EBF2: variants seen among roughly 807,000 people sequenced by gnomAD.
The protein encoded by EBF2 is transcription factor COE2.
A neutral mutation model predicts 72.8 loss-of-function variants in EBF2; 21 were observed. The observed-to-expected ratio is 0.29, with a 90% CI of 0.20 to 0.42. The LOEUF (loss-of-function observed/expected upper bound fraction) is 0.42, where lower values mean the gene tolerates loss of function less well. Among genes scored for constraint, EBF2 ranks in the 10% least tolerant of loss-of-function variants. EBF2 has a pLI of 1.00. For missense variants in EBF2, 637 were observed against 731.2 expected (o/e 0.87, Z 1.49); for synonymous variants, 299 against 274.2 (o/e 1.09, Z -0.89).
intron 6 of EBF2, among the ~76,000 whole-genome samples, chr8:25,945,907 T>C (rs1038931101): frequency 1.3e-5 from 2 of 152,012 alleles, no homozygotes; most frequent in African/African-American, 4.8e-5. Context: ...CTTTTTACTA[T>C]TAATAAAGAA....
chr8:25,940,632 A>AT (rs1491337758), intron 6 of EBF2, among the ~76,000 whole-genome samples: 10 of 138,370 alleles, frequency 7.2e-5, no homozygotes, highest in African/African-American at 2.5e-4. Flanking sequence ...AAAAAAAAAA[A>AT]TAAAAAAAAA....
At position 26,002,888 on chromosome 8, in the gene EBF2, GGGCA is replaced by G. The variant is rs1243627440; in HGVS notation, c.551+30193_551+30196del. Among the ~76,000 whole-genome samples, 335 of 81,488 alleles carry G rather than the reference GGGCA, an allele frequency of 4.1e-3. 4 individuals carry two copies. The highest frequency in any genetic ancestry group is 9.4e-3 in the African/African-American group (272 of 28,812). The allele number at this position is 81,488 out of a possible 152,430, so 53.5% of individuals were successfully genotyped here. ...CGGGCAGGCGGGCAGGCGGGCAGGC[GGGCA>G]GGCAGGCGGGCAGGCGGGCAGGCGG... On this transcript the variant is annotated intron_variant, in intron 6 of 15. Coordinates refer to ENST00000520164, the MANE Select transcript of EBF2 (RefSeq NM_022659.4).
At chr8:25,934,221 GCATACACA>G (rs1161970954) in intron 6 of EBF2, among the ~76,000 whole-genome samples, 26 of 108,192 alleles carry the variant, frequency 2.4e-4, no homozygotes, top group African/African-American at 9.4e-4. Flanking sequence ...GACTTCATGT[GCATACACA>G]CACACACACA....
At position 25,899,238 on chromosome 8, in the gene EBF2, GTTT is replaced by G. The variant is rs78193563; in HGVS notation, c.633+9233_633+9235del. ...GAGAAAGATCCTCCGACCCTCCACA[GTTT>G]TTTTTTTTTTTTCTGACTCCAAATA... On this transcript the variant is annotated intron_variant, in intron 7 of 15. Coordinates refer to ENST00000520164, the MANE Select transcript of EBF2 (RefSeq NM_022659.4). Among the ~76,000 whole-genome samples the G allele has an allele frequency of 2.1e-5, 3 of 140,302 alleles. 1 individual carries two copies. Among genetic ancestry groups the G allele is most frequent in the South Asian group, 4.5e-4 (2 of 4,402 alleles). 92.0% of individuals were successfully genotyped at this position (140,302 alleles called of 152,430 possible). A position where few individuals can be genotyped will look rare whatever the true frequency, so the allele number is the denominator to read the frequency against.
At chr8:26,007,786 T>C (rs1804905856) in intron 6 of EBF2, among the ~76,000 whole-genome samples, 1 of 151,842 alleles carries the variant, frequency 6.6e-6, no homozygotes, top group Admixed American at 6.6e-5. Context: ...CTTGCAACTT[T>C]TGCACATGTG....
intron 6 of EBF2, among the ~76,000 whole-genome samples, chr8:25,928,782 G>GAA (rs71551838): frequency 0.47 from 52,230 of 110,114 alleles, 14,174 homozygotes; most frequent in East Asian, 0.68. Context: ...ATTTTTAAAT[G>GAA]AAAAAAAAAA....
At chr8:25,850,303 G>A (rs939448965) in intron 15 of EBF2, among the ~76,000 whole-genome samples, 1 of 152,076 alleles carries the variant, frequency 6.6e-6, no homozygotes, top group East Asian at 1.9e-4. Flanking sequence ...AGTAGACACA[G>A]GGTTTTACCA....
At chr8:25,853,334 T>G (rs918784914) in intron 14 of EBF2, among the ~76,000 whole-genome samples, 1 of 151,714 alleles carries the variant, frequency 6.6e-6, no homozygotes, top group Non-Finnish European at 1.5e-5. Flanking sequence ...CATAAGTTAA[T>G]TGGAAAAAGA....
intron 6 of EBF2, among the ~76,000 whole-genome samples, chr8:25,960,861 C>T (rs1251390598): frequency 6.6e-6 from 1 of 152,226 alleles, no homozygotes; most frequent in Non-Finnish European, 1.5e-5. Flanking sequence ...TCTTCCTTAT[C>T]TCTTTCAATT....
chr8:25,943,311 C>CAAAAGAAAAA (rs1803710087), intron 6 of EBF2, among the ~76,000 whole-genome samples: 5 of 59,126 alleles, frequency 8.5e-5, no homozygotes, highest in Admixed American at 1.9e-4. Context: ...TGTCTCTACA[C>CAAAAGAAAAA]AAAAAAAAAA....
chr8:25,925,819 T>A (rs1803376807), intron 6 of EBF2, among the ~76,000 whole-genome samples: 1 of 152,054 alleles, frequency 6.6e-6, no homozygotes, highest in African/African-American at 2.4e-5. Context: ...GCATTCAGCT[T>A]TTTCATTTTC....
At chr8:25,871,843 G>C (rs183709049) in intron 10 of EBF2, among the ~76,000 whole-genome samples, 26 of 151,968 alleles carry the variant, frequency 1.7e-4, no homozygotes, top group Admixed American at 1.4e-3. Context: ...TAATATATGA[G>C]ATTACTTACA....
chr8:26,044,812 C>G lies in EBF2; in HGVS notation c.48G>C (p.Glu16Asp), dbSNP rs755079426. Residue 16 changes from glutamate (E) to aspartate (D), a missense_variant, in exon 1 of 16, where the codon GAG (glutamate) becomes GAC (aspartate). Coordinates refer to ENST00000520164, the MANE Select transcript of EBF2 (RefSeq NM_022659.4). This position sits in a 1 kb window ranked among gnomAD's most constrained non-coding sequence, Gnocchi z 4.1. ...DTLGRGPTLK[E>D]KSLGAEMDSV... Reference sequence around the variant, plus strand: ...AATCCATCTCCGCGCCCAGCGATTTCTCTTTCAGAGTTGGTCCTCTTCCTA... The same window carrying G: ...AATCCATCTCCGCGCCCAGCGATTTGTCTTTCAGAGTTGGTCCTCTTCCTA... 3 of 1,614,222 alleles carry G rather than the reference C, an allele frequency of 1.9e-6. No individual in the cohort carries two copies. The highest frequency in any genetic ancestry group is 2.2e-5 in the East Asian group (1 of 44,872).
At chr8:25,916,032 A>G (rs1803207807) in intron 6 of EBF2, among the ~76,000 whole-genome samples, 1 of 152,128 alleles carries the variant, frequency 6.6e-6, no homozygotes, top group African/African-American at 2.4e-5. Flanking sequence ...CACATCTGTA[A>G]TCCTAGCACT....
At chr8:26,013,470 C>T (rs529248459) in intron 6 of EBF2, among the ~76,000 whole-genome samples, 81 of 152,308 alleles carry the variant, frequency 5.3e-4, no homozygotes, top group Non-Finnish European at 9.3e-4. Context: ...GGAAGCACTT[C>T]TGCTATATCA....
chr8:25,998,330 A>C (rs1804670168), intron 6 of EBF2, among the ~76,000 whole-genome samples: 1 of 152,220 alleles, frequency 6.6e-6, no homozygotes, highest in African/African-American at 2.4e-5. Flanking sequence ...ACAGACAAGG[A>C]TATCAGTGTC....
chr8:25,976,620 G>T (rs1804272615), intron 6 of EBF2, among the ~76,000 whole-genome samples: 1 of 149,616 alleles, frequency 6.7e-6, no homozygotes, highest in African/African-American at 2.4e-5. Context: ...ATTCTAAAGA[G>T]ATGAGGGGCT....
At chr8:26,013,034 A>C (rs1563208514) in intron 6 of EBF2, among the ~76,000 whole-genome samples, 1 of 152,188 alleles carries the variant, frequency 6.6e-6, no homozygotes, top group Non-Finnish European at 1.5e-5. Context: ...TGAGTCAAAT[A>C]TATGGCATCC....
At chr8:25,987,032 G>A (rs1417206820) in intron 6 of EBF2, among the ~76,000 whole-genome samples, 10 of 142,214 alleles carry the variant, frequency 7.0e-5, no homozygotes. Flanking sequence ...CACTGGTCTA[G>A]ATTTTACCCT....
Sources: gnomAD v4.1 joint callset for allele counts (sites outside exome capture counted in the v4.1 genomes callset) on GRCh38, gnomAD v4.1.1 for gene constraint, Gnocchi (gnomAD v3.1) non-coding constraint, MANE v1.5 for transcripts, NCBI Gene and HGNC (gene_info 2026-07-23, HGNC 2026-07-21) for gene names.